The following PLGRKT variants were observed in gnomAD, a reference collection of about 807,000 sequenced individuals.
The protein encoded by PLGRKT is plasminogen receptor (KT).
Under a neutral mutation model 18.5 loss-of-function variants are expected in PLGRKT, and 22 were observed. That is an observed-to-expected ratio of 1.19 (90% confidence interval 0.85 to 1.70). The LOEUF is 1.70. PLGRKT is among the 40% of genes most tolerant of loss of function. The probability of loss-of-function intolerance (pLI) is 0.00; values close to 1 mark genes in which losing one functional copy is unlikely to be tolerated. For missense variants in PLGRKT, 235 were observed against 174.4 expected (o/e 1.35, Z -1.96); for synonymous variants, 72 against 52.8 (o/e 1.36, Z -1.58).
At chr9:5,422,251 T>A (rs1818592274) in intron 3 of PLGRKT, among the ~76,000 whole-genome samples, 1 of 152,138 alleles carries the variant, frequency 6.6e-6, no homozygotes, top group Admixed American at 6.5e-5. Flanking sequence ...CAGGTCGATA[T>A]GACTAAAGGT....
At chr9:5,362,685 G>A (rs150235463) in intron 3 of PLGRKT, among the ~76,000 whole-genome samples, 1 of 152,312 alleles carries the variant, frequency 6.6e-6, no homozygotes, top group East Asian at 1.9e-4. Context: ...ATGCAAGGAA[G>A]AGGAGAGGAA....
intron 3 of PLGRKT, among the ~76,000 whole-genome samples, chr9:5,428,084 G>A (rs567626567): frequency 6.6e-6 from 1 of 152,312 alleles, no homozygotes; most frequent in South Asian, 2.1e-4. Flanking sequence ...AAAACAAGGC[G>A]ACGTGGCGAT....
intron 3 of PLGRKT, among the ~76,000 whole-genome samples, chr9:5,403,032 G>T (rs938352611): frequency 3.3e-5 from 5 of 151,768 alleles, no homozygotes; most frequent in African/African-American, 1.2e-4. Flanking sequence ...CTGGATAATA[G>T]GTAGTGGAAG....
At chr9:5,369,153 C>T (rs1181209086) in intron 3 of PLGRKT, among the ~76,000 whole-genome samples, 1 of 152,192 alleles carries the variant, frequency 6.6e-6, no homozygotes, top group Non-Finnish European at 1.5e-5. Context: ...AAGAAACTAT[C>T]ATCAGAGTGA....
chr9:5,405,307 C>T (rs1818234727), intron 3 of PLGRKT, among the ~76,000 whole-genome samples: 2 of 152,132 alleles, frequency 1.3e-5, no homozygotes, highest in South Asian at 2.1e-4. Flanking sequence ...CAAGACAATC[C>T]TAAGCAAAAA....
intron 3 of PLGRKT, among the ~76,000 whole-genome samples, chr9:5,369,353 T>C (rs1415172395): frequency 2.0e-5 from 3 of 152,218 alleles, no homozygotes; most frequent in East Asian, 3.8e-4. Context: ...TCATCATCAC[T>C]GGTCATTAGA....
intron 3 of PLGRKT, among the ~76,000 whole-genome samples, chr9:5,397,350 A>G (rs1462481257): frequency 6.6e-6 from 1 of 151,876 alleles, no homozygotes; most frequent in African/African-American, 2.4e-5. Context: ...CCTGACCTCT[A>G]CATCCAGCTT....
At chr9:5,383,626 G>A (rs947139840) in intron 3 of PLGRKT, among the ~76,000 whole-genome samples, 1 of 152,202 alleles carries the variant, frequency 6.6e-6, no homozygotes, top group African/African-American at 2.4e-5. Flanking sequence ...ATCTAGGGGT[G>A]ATGGGAGATA....
intron 2 of PLGRKT, among the ~76,000 whole-genome samples, chr9:5,436,305 A>C (rs1160312001): frequency 6.6e-6 from 1 of 152,226 alleles, no homozygotes; most frequent in East Asian, 1.9e-4. Flanking sequence ...TACAAGAAAA[A>C]CTGTGGCTCA....
chr9:5,395,565 A>G (rs1818028368), intron 3 of PLGRKT, among the ~76,000 whole-genome samples: 1 of 151,938 alleles, frequency 6.6e-6, no homozygotes, highest in South Asian at 2.1e-4. Flanking sequence ...GCAGAAAGTA[A>G]TATAAGAGCA....
chr9:5,418,858 T>G lies in PLGRKT; in HGVS notation c.81+13039A>C. 1 of 1,055,056 alleles carries G rather than the reference T, an allele frequency of 9.5e-7. No individual in the cohort carries two copies. 65.4% of individuals were successfully genotyped at this position (1,055,056 alleles called of 1,614,324 possible). On this transcript the variant is annotated intron_variant, in intron 3 of 5. Transcript: ENST00000223864. This position sits in a 1 kb window ranked among gnomAD's most constrained non-coding sequence, Gnocchi z 4.2. ...CACATCCTTCTGGCTGGTCCTCGTC[T>G]GCTGGAGGCAAACTGAACAGCAGGT...
Position 5,410,571 on chromosome 9 carries a change from A to C in PLGRKT, c.81+21326T>G, listed in dbSNP as rs118070086. Among the ~76,000 whole-genome samples the C allele has an allele frequency of 2.5e-3, 383 of 152,280 alleles. 13 individuals are homozygous for C. The East Asian group carries it at 0.059, about 23-fold the overall frequency. The stretch of plus-strand genomic sequence containing the variant: ...CAGAAGTCACCAAAATCATGTTGAA[A>C]TCATAATTAAGGCAATAAGCAGTTT... On this transcript the variant is annotated intron_variant, in intron 3 of 5. Coordinates refer to ENST00000223864, the MANE Select transcript of PLGRKT (RefSeq NM_018465.4).
chr9:5,402,069 T>C (rs1311051765), intron 3 of PLGRKT, among the ~76,000 whole-genome samples: 1 of 151,962 alleles, frequency 6.6e-6, no homozygotes, highest in Non-Finnish European at 1.5e-5. Context: ...CTAAAATTGC[T>C]AGAAAACTTG....
chr9:5,369,165 C>A (rs922897546), intron 3 of PLGRKT, among the ~76,000 whole-genome samples: 3 of 152,198 alleles, frequency 2.0e-5, no homozygotes, highest in African/African-American at 7.2e-5. Context: ...TCAGAGTGAA[C>A]AGACCAACTA....
In PLGRKT at chr9:5,418,215, A is replaced by C. The variant is rs951634537; in HGVS notation, c.81+13682T>G. ...GTTGAGACCTCACCTTCTGCCCTTC[A>C]TGTCTGTCTTGCGGTAAATCAAGAG... On this transcript the variant is annotated intron_variant, in intron 3 of 5. Transcript: ENST00000223864. This position sits in a 1 kb window ranked among gnomAD's most constrained non-coding sequence, Gnocchi z 4.2. Among the ~76,000 whole-genome samples the C allele has an allele frequency of 3.9e-5, 6 of 152,100 alleles. No individual in the cohort carries two copies. Among genetic ancestry groups the C allele is most frequent in the Non-Finnish European group, 8.8e-5 (6 of 68,006 alleles).
chr9:5,401,315 G>A (rs1236158505), intron 3 of PLGRKT, among the ~76,000 whole-genome samples: 6 of 151,884 alleles, frequency 4.0e-5, no homozygotes, highest in African/African-American at 9.7e-5. Context: ...ATGTAGATTA[G>A]GTTATGCTTT....
chr9:5,381,678 G>T (rs1040880224), intron 3 of PLGRKT, among the ~76,000 whole-genome samples: 1 of 139,706 alleles, frequency 7.2e-6, no homozygotes, highest in Non-Finnish European at 1.6e-5. Context: ...TCTAAAACAC[G>T]CTTTAAAAGG....
chr9:5,414,983 C>A (rs915854650), intron 3 of PLGRKT, among the ~76,000 whole-genome samples: 1 of 152,158 alleles, frequency 6.6e-6, no homozygotes, highest in Non-Finnish European at 1.5e-5. Context: ...CATATACATA[C>A]ATGTCTTTGC....
chr9:5,391,561 C>A (rs1312078270), intron 3 of PLGRKT, among the ~76,000 whole-genome samples: 1 of 151,804 alleles, frequency 6.6e-6, no homozygotes, highest in Non-Finnish European at 1.5e-5. Context: ...CTGGTGTAGA[C>A]CGAACTCTGC....
Sources: gnomAD v4.1 joint callset for allele counts (sites outside exome capture counted in the v4.1 genomes callset) on GRCh38, gnomAD v4.1.1 for gene constraint, Gnocchi (gnomAD v3.1) non-coding constraint, MANE v1.5 for transcripts, NCBI Gene and HGNC (gene_info 2026-07-23, HGNC 2026-07-21) for gene names.